Variants in CDH9 observed in about 807,000 individuals in gnomAD.
The protein encoded by CDH9 is cadherin 9.
In CDH9, 28 loss-of-function variants were observed where a neutral mutation model predicts 70.9. The observed-to-expected ratio is 0.40, with a 90% CI of 0.29 to 0.54. The LOEUF (loss-of-function observed/expected upper bound fraction) is 0.54, where lower values mean the gene tolerates loss of function less well. Among genes scored for constraint, CDH9 ranks in the 20% least tolerant of loss-of-function variants. CDH9 has a pLI of 0.59. For synonymous variants in CDH9, 409 were observed against 343.1 expected, an observed-to-expected ratio of 1.19 and a Z score of -2.12; for missense variants, 874 against 984.4, an observed-to-expected ratio of 0.89 and a Z score of 1.50.
intron 2 of CDH9, among the ~76,000 whole-genome samples, chr5:26,973,163 T>C (rs1461972672): frequency 1.3e-5 from 2 of 152,148 alleles, no homozygotes; most frequent in African/African-American, 2.4e-5. Context: ...CGCCTAGTCT[T>C]AAACTTAGAT....
chr5:26,986,797 G>A (rs1742495017), intron 2 of CDH9, among the ~76,000 whole-genome samples: 1 of 151,992 alleles, frequency 6.6e-6, no homozygotes, highest in African/African-American at 2.4e-5. Context: ...TGTGAAAAGT[G>A]ATGTTAAATG....
At chr5:27,023,065 C>T (rs1052272939) in intron 1 of CDH9, among the ~76,000 whole-genome samples, 2 of 151,912 alleles carry the variant, frequency 1.3e-5, no homozygotes, top group Non-Finnish European at 2.9e-5. Flanking sequence ...GTCTTCTAGC[C>T]TCTTTCCATC....
chr5:26,978,805 A>T (rs546480752), intron 2 of CDH9, among the ~76,000 whole-genome samples: 61 of 152,032 alleles, frequency 4.0e-4, no homozygotes, highest in African/African-American at 1.3e-3. Context: ...CTAACTTTTG[A>T]TTAAAAGTAA....
chr5:26,920,085 C>T (rs1741217913), intron 2 of CDH9, among the ~76,000 whole-genome samples: 1 of 151,924 alleles, frequency 6.6e-6, no homozygotes. Flanking sequence ...CCTGGGGTAC[C>T]AATTATGGGC....
At chr5:26,946,515 A>G (rs528628020) in intron 2 of CDH9, among the ~76,000 whole-genome samples, 2 of 152,284 alleles carry the variant, frequency 1.3e-5, no homozygotes, top group Non-Finnish European at 2.9e-5. Context: ...GAGGCTATGT[A>G]TATTTGCTAG....
chr5:26,952,402 C>A (rs1741862233), intron 2 of CDH9, among the ~76,000 whole-genome samples: 1 of 128,302 alleles, frequency 7.8e-6, no homozygotes, highest in African/African-American at 3.0e-5. Context: ...ATCATGAGGT[C>A]AGGAGATCGA....
intron 1 of CDH9, among the ~76,000 whole-genome samples, chr5:27,023,457 C>G (rs1743172987): frequency 6.6e-6 from 1 of 151,922 alleles, no homozygotes; most frequent in African/African-American, 2.4e-5. Flanking sequence ...GATTATGAAA[C>G]AAAAATAATT....
rs1211343082 is a variant in CDH9 at position 26,883,115 on chromosome 5, A to G, written c.1883-1492T>C. On this transcript the variant is annotated intron_variant, in intron 11 of 11. Transcript: ENST00000231021. Reference sequence around the variant, plus strand: ...TATATAAAACTGCAGTAAAAATGAGACCTCTGTACTCTTCTTTTAAAAGAT... The same window carrying G: ...TATATAAAACTGCAGTAAAAATGAGGCCTCTGTACTCTTCTTTTAAAAGAT... Among the ~76,000 whole-genome samples, 15 of 133,952 alleles carry G rather than the reference A, an allele frequency of 1.1e-4. No homozygotes were observed. In the South Asian group the frequency reaches 2.9e-3, roughly 26 times the overall value. The allele number at this position is 133,952 out of a possible 152,430, so 87.9% of individuals were successfully genotyped here.
At chr5:26,933,950 T>G (rs993860351) in intron 2 of CDH9, among the ~76,000 whole-genome samples, 2 of 151,978 alleles carry the variant, frequency 1.3e-5, no homozygotes, top group African/African-American at 2.4e-5. Context: ...GAATTCCTGA[T>G]CCCCAGTAAT....
intron 9 of CDH9, among the ~76,000 whole-genome samples, chr5:26,889,479 A>C (rs984180799): frequency 6.6e-6 from 1 of 152,132 alleles, no homozygotes. Flanking sequence ...TTTCATTTTC[A>C]TACTTCAGGT....
intron 7 of CDH9, among the ~76,000 whole-genome samples, chr5:26,900,599 T>C (rs926793699): frequency 6.6e-6 from 1 of 152,102 alleles, no homozygotes; most frequent in African/African-American, 2.4e-5. Context: ...TCATTCAGAC[T>C]CAAAAATGTT....
Position 27,012,318 on chromosome 5 carries a change from C to T in CDH9, c.-49-23936G>A, listed in dbSNP as rs566624871. On this transcript the variant is annotated intron_variant, in intron 1 of 11. Coordinates refer to ENST00000231021, the MANE Select transcript of CDH9 (RefSeq NM_016279.4). ...TTTAATATTTTCAATCTACCATTGG[C>T]TGAATCTGTAGATGGCAATTATGAA... Among the ~76,000 whole-genome samples, 63 of 151,930 alleles carry T rather than the reference C, an allele frequency of 4.1e-4. No homozygotes were observed. The South Asian group carries it at 0.012, about 29-fold the overall frequency.
chr5:26,956,560 T>C (rs970417231), intron 2 of CDH9, among the ~76,000 whole-genome samples: 8 of 152,172 alleles, frequency 5.3e-5, no homozygotes, highest in Non-Finnish European at 1.2e-4. Context: ...CTTCAACATA[T>C]AGGCTATGGT....
At position 26,902,613 on chromosome 5, in the gene CDH9, T is replaced by G. The variant is rs2111987742; in HGVS notation, c.1116A>C (p.Ile372=). ...GAGGCTCATCTATATCTTCCACAGA[T>G]ATTTTGACCACAGCTGTATCTTTGA... The part of the protein sequence containing the change: ...GPFKDTAVVK[I]SVEDIDEPPV... Residue 372 remains isoleucine, a synonymous_variant, in exon 7 of 12, where the codon ATA becomes ATC. Coordinates refer to ENST00000231021, the MANE Select transcript of CDH9 (RefSeq NM_016279.4). The G allele has an allele frequency of 6.2e-7, 1 of 1,604,888 alleles. No homozygotes were observed. The highest frequency in any genetic ancestry group is 1.7e-4 in the Middle Eastern group (1 of 6,036).
At chr5:26,990,689 G>C (rs1248315799) in intron 1 of CDH9, among the ~76,000 whole-genome samples, 1 of 152,190 alleles carries the variant, frequency 6.6e-6, no homozygotes, top group Non-Finnish European at 1.5e-5. Flanking sequence ...TGATGCTGTA[G>C]TGGAAAATGA....
At chr5:26,895,841 A>G (rs2111979367) in intron 7 of CDH9, among the ~76,000 whole-genome samples, 1 of 152,202 alleles carries the variant, frequency 6.6e-6, no homozygotes, top group South Asian at 2.1e-4. Context: ...CTCTGAGATC[A>G]GTCATCCTTC....
intron 1 of CDH9, among the ~76,000 whole-genome samples, chr5:26,997,608 G>A (rs530098976): frequency 2.0e-5 from 3 of 152,306 alleles, no homozygotes; most frequent in African/African-American, 7.2e-5. Flanking sequence ...AGAGAAAGCT[G>A]TCTATGGTCC....
Position 26,989,720 on chromosome 5 carries a change from GA to G in CDH9, c.-49-1339del, listed in dbSNP as rs1347984831. Among the ~76,000 whole-genome samples, 4 of 152,154 alleles carry G rather than the reference GA, an allele frequency of 2.6e-5. No individual in the cohort carries two copies. The East Asian group carries it at 7.7e-4, about 29-fold the overall frequency. ...ACTCTGATTTACCTTGTTTAAGCCA[GA>G]AACCCAATGTTGGACCAAGCATCTA... On this transcript the variant is annotated intron_variant, in intron 1 of 11. Coordinates refer to ENST00000231021, the MANE Select transcript of CDH9 (RefSeq NM_016279.4).
intron 2 of CDH9, among the ~76,000 whole-genome samples, chr5:26,987,482 C>T (rs1579496070): frequency 6.6e-6 from 1 of 151,862 alleles, no homozygotes; most frequent in East Asian, 1.9e-4. Context: ...TCTCTAAACA[C>T]CAATGAAAGA....
Sources: gnomAD v4.1 joint callset for allele counts (sites outside exome capture counted in the v4.1 genomes callset) on GRCh38, gnomAD v4.1.1 for gene constraint, MANE v1.5 for transcripts, NCBI Gene and HGNC (gene_info 2026-07-23, HGNC 2026-07-21) for gene names.